Variants in SHANK2 observed in about 807,000 individuals in gnomAD.
SHANK2 encodes SH3 and multiple ankyrin repeat domains 2, also known as SH3 and multiple ankyrin repeat domains protein 2.
Under a neutral mutation model 133.7 loss-of-function variants are expected in SHANK2, and 43 were observed. The ratio of observed to expected loss-of-function variants is 0.32; its 90% confidence interval spans 0.25 to 0.41. The LOEUF is 0.41. SHANK2 is among the 10% of genes least tolerant of loss of function. The pLI is 1.00. For missense variants in SHANK2, 1,994 were observed against 2,235.8 expected, an observed-to-expected ratio of 0.89 and a Z score of 2.18; for synonymous variants, 1,017 against 952.8, an observed-to-expected ratio of 1.07 and a Z score of -1.24.
At chr11:70,579,683 G>A (rs1554984975) in intron 17 of SHANK2, among the ~76,000 whole-genome samples, 1 of 152,252 alleles carries the variant, frequency 6.6e-6, no homozygotes, top group Admixed American at 6.5e-5. Context: ...GGTCAGCAAA[G>A]CCACGGCTGC....
intron 14 of SHANK2, among the ~76,000 whole-genome samples, chr11:70,742,787 G>T (rs557405025): frequency 6.6e-6 from 1 of 152,234 alleles, no homozygotes; most frequent in Non-Finnish European, 1.5e-5. Context: ...GGCCTGGAGC[G>T]CAGGCATGGC....
At chr11:70,612,274 G>C (rs561513897) in intron 17 of SHANK2, among the ~76,000 whole-genome samples, 1 of 152,152 alleles carries the variant, frequency 6.6e-6, no homozygotes, top group Non-Finnish European at 1.5e-5. Flanking sequence ...GGGCTGGGCT[G>C]ATCAGGGAAA....
intron 17 of SHANK2, among the ~76,000 whole-genome samples, chr11:70,532,350 C>G (rs556973161): frequency 1.3e-5 from 2 of 152,318 alleles, no homozygotes; most frequent in South Asian, 2.1e-4. Flanking sequence ...ACTCTGTGCT[C>G]TGCCCCCCAT....
At chr11:70,746,059 A>G (rs1946630490) in intron 14 of SHANK2, among the ~76,000 whole-genome samples, 1 of 152,214 alleles carries the variant, frequency 6.6e-6, no homozygotes, top group East Asian at 1.9e-4. Context: ...CTGAAGGGAA[A>G]ATCACACAGG....
chr11:70,500,571 C>G lies in SHANK2; in HGVS notation c.2307G>C (p.Lys769Asn). The change falls in exon 21 of 26, where the codon AAG (lysine) becomes AAC (asparagine). Residue 769 changes from lysine to asparagine, a missense_variant and splice_region_variant. By Grantham distance (94) the Lys-to-Asn change is moderately conservative (BLOSUM62 0). Around this residue, in one of 5 missense-constraint regions of SHANK2, gnomAD observed 488 missense variants for 642.6 expected, o/e 0.76. Transcript: ENST00000601538. This position sits in a 1 kb window ranked among gnomAD's most constrained non-coding sequence, Gnocchi z 4.5. ...AGACAGACACTGGGCCTCCCTTACCCTTCTTCTTCCGGACCGAGGCTTGCA... is the reference window on the plus strand; with the variant it reads ...AGACAGACACTGGGCCTCCCTTACCGTTCTTCTTCCGGACCGAGGCTTGCA... ...LVDKASVRKK[K>N]DKPEEIVPAS... The G allele has an allele frequency of 6.2e-7, 1 of 1,603,564 alleles. No individual in the cohort carries two copies. Among genetic ancestry groups the G allele is most frequent in the Non-Finnish European group, 8.5e-7 (1 of 1,175,238 alleles).
At chr11:70,897,837 GAA>G (rs1949959012) in intron 10 of SHANK2, among the ~76,000 whole-genome samples, 1 of 151,954 alleles carries the variant, frequency 6.6e-6, no homozygotes, top group African/African-American at 2.4e-5. Context: ...TTTTCTTAAA[GAA>G]TATTTTTAAA....
At chr11:71,160,199 C>T (rs559094769) in intron 2 of SHANK2, among the ~76,000 whole-genome samples, 1 of 152,182 alleles carries the variant, frequency 6.6e-6, no homozygotes, top group African/African-American at 2.4e-5. Context: ...AAATGCAGTC[C>T]CAGGATGGGG....
chr11:71,223,413 A>T (rs1459648458), intron 2 of SHANK2, among the ~76,000 whole-genome samples: 1 of 152,216 alleles, frequency 6.6e-6, no homozygotes, highest in East Asian at 1.9e-4. Flanking sequence ...AATATTTTTT[A>T]GTTGCATCTG....
intron 10 of SHANK2, chr11:70,933,235 G>C: frequency 2.2e-6 from 1 of 456,366 alleles, no homozygotes; most frequent in Non-Finnish European, 4.4e-6. Flanking sequence ...GAACCTTGAG[G>C]ACACTGTACT....
chr11:71,085,646 TATG>T (rs1951377143), intron 8 of SHANK2, among the ~76,000 whole-genome samples: 1 of 33,506 alleles, frequency 3.0e-5, no homozygotes, highest in African/African-American at 8.6e-5. Context: ...TATAATATAT[TATG>T]TTATATATTA....
intron 3 of SHANK2, among the ~76,000 whole-genome samples, chr11:71,133,461 G>GA (rs1270839933): frequency 6.6e-6 from 1 of 151,344 alleles, no homozygotes; most frequent in East Asian, 1.9e-4. Context: ...CAGACGGAGG[G>GA]AGGGAGGGAG....
chr11:70,774,098 A>C (rs1331330649), intron 14 of SHANK2, among the ~76,000 whole-genome samples: 1 of 152,230 alleles, frequency 6.6e-6, no homozygotes, highest in Non-Finnish European at 1.5e-5. Flanking sequence ...GTATGGTATA[A>C]CCATACAATG....
At chr11:70,676,141 G>A (rs782181244) in intron 15 of SHANK2, among the ~76,000 whole-genome samples, 1 of 152,232 alleles carries the variant, frequency 6.6e-6, no homozygotes, top group African/African-American at 2.4e-5. Flanking sequence ...GTGACACTGT[G>A]TGCTTAGAGG....
At chr11:70,930,339 C>T (rs1004267547) in intron 10 of SHANK2, among the ~76,000 whole-genome samples, 3 of 152,104 alleles carry the variant, frequency 2.0e-5, no homozygotes, top group Admixed American at 2.0e-4. Flanking sequence ...TCCTGGGACA[C>T]AGAAGAAACT....
chr11:70,574,130 C>T (rs570595483), intron 17 of SHANK2, among the ~76,000 whole-genome samples: 1 of 152,366 alleles, frequency 6.6e-6, no homozygotes, highest in East Asian at 1.9e-4. Context: ...TCTATGACCA[C>T]AGGGCTCACA....
chr11:71,236,101 C>G, intron 1 of SHANK2, among the ~76,000 whole-genome samples: 1 of 151,704 alleles, frequency 6.6e-6, no homozygotes, highest in Non-Finnish European at 1.5e-5. Flanking sequence ...AAGGCAGGAC[C>G]GGACTGAGGG....
At chr11:70,538,088 G>A (rs1221072438) in intron 17 of SHANK2, among the ~76,000 whole-genome samples, 1 of 152,226 alleles carries the variant, frequency 6.6e-6, no homozygotes, top group Non-Finnish European at 1.5e-5. Context: ...CGGGGCAGTA[G>A]CGAGCGGTGG....
intron 17 of SHANK2, among the ~76,000 whole-genome samples, chr11:70,629,595 A>G (rs2060954810): frequency 6.6e-6 from 1 of 152,036 alleles, no homozygotes; most frequent in Admixed American, 6.5e-5. Context: ...CAGCTCCCCT[A>G]AGGGCCTCCG....
At chr11:71,082,165 C>A (rs1393000084) in intron 8 of SHANK2, among the ~76,000 whole-genome samples, 2 of 152,222 alleles carry the variant, frequency 1.3e-5, no homozygotes, top group African/African-American at 4.8e-5. Flanking sequence ...GTCCCCTGGC[C>A]AGAATGAGCC....
Sources: allele counts gnomAD v4.1 joint callset (sites outside exome capture counted in the v4.1 genomes callset), GRCh38; gene constraint gnomAD v4.1.1; regional missense constraint gnomAD v4.1.1; non-coding constraint Gnocchi (gnomAD v3.1); transcripts MANE v1.5; gene names NCBI Gene and HGNC (gene_info 2026-07-23, HGNC 2026-07-21).